RBFOX1: variants seen among roughly 807,000 people sequenced by gnomAD.
RBFOX1 encodes RNA binding fox-1 homolog 1.
In RBFOX1, 8 loss-of-function variants were observed where a neutral mutation model predicts 57.7. That is an observed-to-expected ratio of 0.14 (90% CI 0.08 to 0.25). The LOEUF is 0.25. Ranked by LOEUF, RBFOX1 falls within the 10% of genes least tolerant of loss-of-function variation. The pLI, the probability that RBFOX1 is intolerant of heterozygous loss-of-function variation, is 1.00. For missense variants in RBFOX1, 611 were observed against 548.5 expected, an observed-to-expected ratio of 1.11 and a Z score of -1.14; for synonymous variants, 326 against 222.4, an observed-to-expected ratio of 1.47 and a Z score of -4.15.
chr16:7,385,342 C>T (rs529681012), intron 4 of RBFOX1, among the ~76,000 whole-genome samples: 1 of 152,110 alleles, frequency 6.6e-6, no homozygotes, highest in Admixed American at 6.5e-5. Context: ...GAAGGTGGTT[C>T]TGAAATGGAA....
chr16:7,438,695 G>A lies in RBFOX1; in HGVS notation c.28-79452G>A, dbSNP rs1303541995. On this transcript the variant is annotated intron_variant, in intron 4 of 15. Transcript: ENST00000550418. ...AAAACTCCTTTAACGTGCTAAAGTC[G>A]GCTTCAGAGAGGGTTTCCATTTCAT... Among the ~76,000 whole-genome samples, 7 of 152,104 alleles carry A rather than the reference G, an allele frequency of 4.6e-5. No homozygotes were observed. In the East Asian group the frequency reaches 9.6e-4, roughly 21 times the overall value.
chr16:6,999,332 C>T (rs746371836), intron 3 of RBFOX1, among the ~76,000 whole-genome samples: 79 of 151,030 alleles, frequency 5.2e-4, no homozygotes, highest in Non-Finnish European at 8.2e-4. Context: ...GATGGGATGA[C>T]AGGCATGAGC....
chr16:6,542,481 G>GTCTTTTTT (rs1567617679), intron 2 of RBFOX1, among the ~76,000 whole-genome samples: 1 of 37,156 alleles, frequency 2.7e-5, no homozygotes, highest in African/African-American at 9.1e-5. Flanking sequence ...TGGGACCATA[G>GTCTTTTTT]TCTTTTTTTT....
chr16:7,167,615 T>C (rs970013973), intron 4 of RBFOX1, among the ~76,000 whole-genome samples: 1 of 152,168 alleles, frequency 6.6e-6, no homozygotes, highest in African/African-American at 2.4e-5. Context: ...ATTTCTTTTG[T>C]TTCAAGCCAC....
chr16:5,580,769 G>A (rs974242048), intron 2 of RBFOX1, among the ~76,000 whole-genome samples: 2 of 152,190 alleles, frequency 1.3e-5, no homozygotes, highest in Admixed American at 6.5e-5. Flanking sequence ...AAGGCAAACT[G>A]GTGGGATTCC....
At chr16:6,885,631 A>C (rs2063838059) in intron 3 of RBFOX1, among the ~76,000 whole-genome samples, 1 of 151,860 alleles carries the variant, frequency 6.6e-6, no homozygotes, top group African/African-American at 2.4e-5. Flanking sequence ...TCCTGAGTTC[A>C]AGTGATTATC....
intron 4 of RBFOX1, among the ~76,000 whole-genome samples, chr16:5,931,586 T>C (rs1018073851): frequency 6.6e-5 from 10 of 152,190 alleles, no homozygotes; most frequent in African/African-American, 2.4e-4. Context: ...CAGCTGGGTC[T>C]GAAAAGACGT....
intron 3 of RBFOX1, among the ~76,000 whole-genome samples, chr16:6,914,820 C>T (rs951847537): frequency 1.3e-5 from 2 of 152,192 alleles, no homozygotes; most frequent in African/African-American, 4.8e-5. Flanking sequence ...CCCAGGAGTT[C>T]AAGGCTGCAC....
chr16:7,250,713 G>A (rs1270576312), intron 4 of RBFOX1, among the ~76,000 whole-genome samples: 1 of 152,150 alleles, frequency 6.6e-6, no homozygotes, highest in African/African-American at 2.4e-5. Context: ...TGTACCCAGG[G>A]CATTTTATGT....
chr16:6,417,781 T>A (rs112512151), intron 2 of RBFOX1, among the ~76,000 whole-genome samples: 501 of 24,172 alleles, frequency 0.021, 6 homozygotes, highest in African/African-American at 0.016. Context: ...CATAGGTTTT[T>A]TTTTTTTTAC....
At chr16:6,860,891 A>G (rs989532325) in intron 3 of RBFOX1, among the ~76,000 whole-genome samples, 1 of 152,170 alleles carries the variant, frequency 6.6e-6, no homozygotes, top group Non-Finnish European at 1.5e-5. Context: ...ATATTCCAAA[A>G]TATACATTTA....
chr16:6,622,998 T>G (rs898486261), intron 2 of RBFOX1, among the ~76,000 whole-genome samples: 1 of 152,336 alleles, frequency 6.6e-6, no homozygotes, highest in South Asian at 2.1e-4. Flanking sequence ...TTAGCTATTT[T>G]AATGAACACA....
intron 1 of RBFOX1, among the ~76,000 whole-genome samples, chr16:5,324,738 T>C (rs562621362): frequency 9.2e-5 from 14 of 152,244 alleles, no homozygotes; most frequent in South Asian, 2.1e-4. Context: ...TTCTCACTTA[T>C]AAGTGGGAGC....
At chr16:6,769,235 C>A (rs934623205) in intron 3 of RBFOX1, among the ~76,000 whole-genome samples, 6 of 152,142 alleles carry the variant, frequency 3.9e-5, no homozygotes, top group Non-Finnish European at 7.3e-5. Flanking sequence ...TGCACAAGTT[C>A]TTTCTTTGCC....
At chr16:6,012,202 C>CCATT in intron 4 of RBFOX1, among the ~76,000 whole-genome samples, 1 of 152,310 alleles carries the variant, frequency 6.6e-6, no homozygotes, top group Admixed American at 6.5e-5. Flanking sequence ...TTTCTCTAGA[C>CCATT]CTCATCTGTA....
intron 4 of RBFOX1, among the ~76,000 whole-genome samples, chr16:7,491,676 G>T (rs2067025186): frequency 6.6e-6 from 1 of 152,086 alleles, no homozygotes; most frequent in African/African-American, 2.4e-5. Flanking sequence ...TGTCACCCAG[G>T]CTGGAGTGCA....
intron 4 of RBFOX1, among the ~76,000 whole-genome samples, chr16:7,412,902 C>T (rs931500154): frequency 5.3e-5 from 8 of 151,988 alleles, no homozygotes; most frequent in African/African-American, 1.9e-4. Context: ...ATTGGCCAGG[C>T]GCCATGGTGG....
At chr16:6,921,641 ATATATTT>A (rs1433296216) in intron 3 of RBFOX1, among the ~76,000 whole-genome samples, 105 of 88,786 alleles carry the variant, frequency 1.2e-3, no homozygotes, top group Middle Eastern at 5.2e-3. Flanking sequence ...ATATATATAT[ATATATTT>A]TTTTTTTTCT....
intron 4 of RBFOX1, among the ~76,000 whole-genome samples, chr16:7,098,806 A>T (rs1417244239): frequency 6.6e-6 from 1 of 152,244 alleles, no homozygotes; most frequent in East Asian, 1.9e-4. Flanking sequence ...AAATAAATAA[A>T]TAATAATTAA....
Sources: allele counts gnomAD v4.1 joint callset (sites outside exome capture counted in the v4.1 genomes callset), GRCh38; gene constraint gnomAD v4.1.1; transcripts MANE v1.5; gene names NCBI Gene and HGNC (gene_info 2026-07-23, HGNC 2026-07-21).